The following CUX2 variants were observed in gnomAD, a reference collection of about 807,000 sequenced individuals.
CUX2 encodes the protein cut like homeobox 2.
A neutral mutation model predicts 144.8 loss-of-function variants in CUX2; 40 were observed. The observed-to-expected ratio is 0.28, with a 90% CI of 0.21 to 0.36. The LOEUF is 0.36. CUX2 is among the 10% of genes least tolerant of loss of function. CUX2 has a pLI of 1.00. For synonymous variants in CUX2, 827 were observed against 875.6 expected, an observed-to-expected ratio of 0.94 and a Z score of 0.98; for missense variants, 1,615 against 1,994.0, an observed-to-expected ratio of 0.81 and a Z score of 3.62.
At chr12:111,209,086 C>T (rs760947270) in intron 1 of CUX2, among the ~76,000 whole-genome samples, 2 of 152,132 alleles carry the variant, frequency 1.3e-5, no homozygotes, top group Non-Finnish European at 2.9e-5. Context: ...AGAGAGTACT[C>T]TAGGGAGTTT....
At position 111,154,163 on chromosome 12, in the gene CUX2, A is replaced by G. The variant is rs188883199; in HGVS notation, c.64-60037A>G. ...CACAGTTCAGCTCTTAGCACCCCAC[A>G]GAGAAAGCCAGCCTGTGTGATTGCA... On this transcript the variant is annotated intron_variant, in intron 1 of 21. Transcript: ENST00000261726. 5.9e-5 allele frequency among the ~76,000 whole-genome samples: 9 copies of G among 151,840 alleles called. No homozygotes were observed. The East Asian group carries it at 1.4e-3, about 23-fold the overall frequency.
intron 4 of CUX2, among the ~76,000 whole-genome samples, chr12:111,280,917 A>T (rs991292420): frequency 6.6e-6 from 1 of 152,096 alleles, no homozygotes; most frequent in African/African-American, 2.4e-5. Flanking sequence ...GAACTTGGGG[A>T]AACACTGTTC....
At chr12:111,102,521 G>A (rs746995101) in intron 1 of CUX2, among the ~76,000 whole-genome samples, 43 of 152,210 alleles carry the variant, frequency 2.8e-4, no homozygotes, top group Non-Finnish European at 5.4e-4. Context: ...ACCATGTCAC[G>A]GACATGTTGA....
In CUX2 at chr12:111,102,520, C is replaced by T. The variant is rs547142945; in HGVS notation, c.63+68280C>T. 6.6e-5 allele frequency among the ~76,000 whole-genome samples: 10 copies of T among 152,344 alleles called. No individual in the cohort carries two copies. In the East Asian group the frequency reaches 1.7e-3, roughly 26 times the overall value. On this transcript the variant is annotated intron_variant, in intron 1 of 21. Transcript: ENST00000261726. ...GCCCACCCCACCTTCAACCATGTCA[C>T]GGACATGTTGATGATGAAATACTCA... is the stretch of plus-strand genomic sequence containing the variant.
chr12:111,324,350 CAA>C (rs763180221), intron 18 of CUX2, among the ~76,000 whole-genome samples: 27 of 73,084 alleles, frequency 3.7e-4, no homozygotes, highest in Non-Finnish European at 4.2e-4. Flanking sequence ...GACTCTGTCT[CAA>C]AAAAAAAAAA....
chr12:111,270,767 T>C (rs1884606915), intron 4 of CUX2: 1 of 152,056 alleles, frequency 6.6e-6, no homozygotes, highest in Admixed American at 6.6e-5. Flanking sequence ...TTTTTACAAA[T>C]CTGATGCAGA....
At chr12:111,201,487 C>T (rs1880591667) in intron 1 of CUX2, among the ~76,000 whole-genome samples, 1 of 152,234 alleles carries the variant, frequency 6.6e-6, no homozygotes, top group South Asian at 2.1e-4. Flanking sequence ...CTCCCTCCTC[C>T]TCTAGTGCCT....
chr12:111,083,383 G>C, intron 1 of CUX2, among the ~76,000 whole-genome samples: 1 of 152,160 alleles, frequency 6.6e-6, no homozygotes, highest in Non-Finnish European at 1.5e-5. Flanking sequence ...GGAGCCTGGG[G>C]CCGGGGTCCA....
At chr12:111,239,767 C>T (rs1005063763) in intron 3 of CUX2, among the ~76,000 whole-genome samples, 3 of 152,158 alleles carry the variant, frequency 2.0e-5, no homozygotes, top group African/African-American at 7.2e-5. Flanking sequence ...GGGAATGGCA[C>T]CTGCCAGGGC....
intron 7 of CUX2, 75 bp from the exon 8 acceptor site, chr12:111,296,398 G>A (rs1319625736): frequency 3.7e-6 from 5 of 1,369,666 alleles, no homozygotes; most frequent in Admixed American, 2.0e-5. Flanking sequence ...AGAAGGAGTG[G>A]GCTCCACCTC....
intron 1 of CUX2, among the ~76,000 whole-genome samples, chr12:111,045,627 G>A (rs770196858): frequency 4.6e-5 from 7 of 152,150 alleles, no homozygotes; most frequent in Non-Finnish European, 1.0e-4. Context: ...TCTTAAAATG[G>A]GAGGGCATTT....
chr12:111,322,339 A>C lies in CUX2; in HGVS notation c.2767-82A>C. ...TCTGCCTCAAAAAAAAAAAAAAAAA[A>C]AAAAAGGTTGGGGAGGAGAGTGAGG... On this transcript the variant is annotated intron_variant, in intron 17 of 21. Transcript: ENST00000261726. This position sits in a 1 kb window ranked among gnomAD's most constrained non-coding sequence, Gnocchi z 4.2. 7.5e-7 allele frequency: 1 copy of C among 1,331,104 alleles called. No homozygotes were observed. Among genetic ancestry groups the C allele is most frequent in the Non-Finnish European group, 9.9e-7 (1 of 1,010,502 alleles). The allele number at this position is 1,331,104 out of a possible 1,614,324, so 82.5% of individuals were successfully genotyped here. A position where few individuals can be genotyped will look rare whatever the true frequency, so the allele number is the denominator to read the frequency against.
chr12:111,099,850 G>A (rs564599074), intron 1 of CUX2: 6 of 422,046 alleles, frequency 1.4e-5, no homozygotes, highest in Admixed American at 5.0e-5. Flanking sequence ...GCTAGGAGGC[G>A]AGGGACCGTC....
intron 1 of CUX2, among the ~76,000 whole-genome samples, chr12:111,179,410 A>G (rs2136178251): frequency 6.6e-6 from 1 of 152,326 alleles, no homozygotes; most frequent in East Asian, 1.9e-4. Context: ...AATGTTCATG[A>G]TGAATTCTGT....
intron 1 of CUX2, among the ~76,000 whole-genome samples, chr12:111,153,187 T>C (rs1489324908): frequency 1.3e-5 from 2 of 152,222 alleles, no homozygotes; most frequent in African/African-American, 2.4e-5. Flanking sequence ...ATGAAAGCTA[T>C]TGGGCGCCTG....
intron 1 of CUX2, among the ~76,000 whole-genome samples, chr12:111,185,592 G>C (rs919736851): frequency 6.6e-6 from 1 of 152,232 alleles, no homozygotes; most frequent in African/African-American, 2.4e-5. Context: ...AGAGCCCTTC[G>C]TGGGGGTGTC....
intron 1 of CUX2, among the ~76,000 whole-genome samples, chr12:111,137,269 T>A (rs2136118156): frequency 6.6e-6 from 1 of 152,222 alleles, no homozygotes; most frequent in South Asian, 2.1e-4. Flanking sequence ...TAAAGTCCAC[T>A]GTAAAGTCCA....
At chr12:111,179,901 C>G (rs1281796848) in intron 1 of CUX2, among the ~76,000 whole-genome samples, 1 of 152,212 alleles carries the variant, frequency 6.6e-6, no homozygotes, top group Non-Finnish European at 1.5e-5. Context: ...CCAGGCTGGT[C>G]TGGAGCTACT....
chr12:111,294,947 T>C (rs1742346454), intron 6 of CUX2, among the ~76,000 whole-genome samples: 1 of 151,962 alleles, frequency 6.6e-6, no homozygotes, highest in East Asian at 1.9e-4. Context: ...CCCAGGACAG[T>C]ATAAGTAACT....
Sources: gnomAD v4.1 joint callset for allele counts (sites outside exome capture counted in the v4.1 genomes callset) on GRCh38, gnomAD v4.1.1 for gene constraint, Gnocchi (gnomAD v3.1) non-coding constraint, MANE v1.5 for transcripts, NCBI Gene and HGNC (gene_info 2026-07-23, HGNC 2026-07-21) for gene names.